The following PDS5B variants were observed in gnomAD, a reference collection of about 807,000 sequenced individuals.
PDS5B encodes sister chromatid cohesion protein PDS5 homolog B.
PDS5B carries 51 observed loss-of-function variants against 184.1 expected under a neutral mutation model. The ratio of observed to expected loss-of-function variants is 0.28; its 90% CI spans 0.22 to 0.35. PDS5B has a LOEUF of 0.35. PDS5B is among the 10% of genes least tolerant of loss of function. PDS5B has a pLI of 1.00. For missense variants in PDS5B, 1,180 were observed against 1,723.3 expected (o/e 0.68, Z 5.58); for synonymous variants, 566 against 569.2 (o/e 0.99, Z 0.08).
intron 3 of PDS5B, among the ~76,000 whole-genome samples, chr13:32,653,374 T>G (rs912074019): frequency 6.6e-6 from 1 of 152,060 alleles, no homozygotes; most frequent in Admixed American, 6.5e-5. Flanking sequence ...TGTGAAAAAA[T>G]GGCAGGCAAT....
chr13:32,659,452 T>C, intron 6 of PDS5B, among the ~76,000 whole-genome samples, 172 bp downstream of exon 6: 1 of 152,348 alleles, frequency 6.6e-6, no homozygotes, highest in South Asian at 2.1e-4. Flanking sequence ...AAGATACACT[T>C]AATAACTAAT....
At chr13:32,755,118 A>G (rs957322908) in intron 25 of PDS5B, among the ~76,000 whole-genome samples, 3 of 152,188 alleles carry the variant, frequency 2.0e-5, no homozygotes, top group Non-Finnish European at 4.4e-5. Context: ...ACACATATAC[A>G]TGAGGTTAAA....
chr13:32,641,385 T>C lies in PDS5B; in HGVS notation c.-19-7369T>C, dbSNP rs544764177. Among the ~76,000 whole-genome samples the C allele has an allele frequency of 6.6e-5, 10 of 152,278 alleles. No homozygotes were observed. The South Asian group carries it at 2.1e-3, about 32-fold the overall frequency. On this transcript the variant is annotated intron_variant, in intron 1 of 34. Coordinates refer to ENST00000315596, the MANE Select transcript of PDS5B (RefSeq NM_015032.4). The stretch of plus-strand genomic sequence containing the variant: ...CTTTTTCTTATCTCGTAATTTGGTA[T>C]TCATTCCCATCATTTTCTGGACACT...
intron 1 of PDS5B, among the ~76,000 whole-genome samples, chr13:32,607,781 T>G (rs533106988): frequency 5.9e-4 from 90 of 152,204 alleles, no homozygotes; most frequent in Non-Finnish European, 1.0e-3. Context: ...TCCCCCAGCC[T>G]CACTGCTGCC....
rs190982323 is a variant in PDS5B, at chr13:32,656,039, C to T, written c.313-2200C>T. Reference sequence around the variant, plus strand: ...GAAAGGGTCCAGTTTCAGTCTTCTGCATATGACTAGCTAGTTATCCCAGCA... The same window carrying T: ...GAAAGGGTCCAGTTTCAGTCTTCTGTATATGACTAGCTAGTTATCCCAGCA... On this transcript the variant is annotated intron_variant, in intron 3 of 34. Transcript: ENST00000315596. Among the ~76,000 whole-genome samples, 272 of 152,228 alleles carry T rather than the reference C, an allele frequency of 1.8e-3. 1 individual carries two copies. The highest frequency in any genetic ancestry group is 6.2e-3 in the African/African-American group (259 of 41,554).
intron 1 of PDS5B, among the ~76,000 whole-genome samples, chr13:32,600,317 T>C (rs951206528): frequency 2.0e-5 from 3 of 152,252 alleles, no homozygotes; most frequent in South Asian, 2.1e-4. Flanking sequence ...ATTTTTGTTG[T>C]AGAGTGGATA....
chr13:32,647,578 G>A (rs1950259184), intron 1 of PDS5B, among the ~76,000 whole-genome samples: 1 of 152,100 alleles, frequency 6.6e-6, no homozygotes, highest in Non-Finnish European at 1.5e-5. Context: ...ATCCCACCTG[G>A]CCTTTAATGG....
chr13:32,720,923 T>G (rs1210399258), intron 19 of PDS5B, among the ~76,000 whole-genome samples: 7 of 152,008 alleles, frequency 4.6e-5, no homozygotes, highest in East Asian at 1.9e-4. Flanking sequence ...AACCCTGAGT[T>G]GACACAGCAC....
At chr13:32,599,803 T>C (rs1296273657) in intron 1 of PDS5B, among the ~76,000 whole-genome samples, 4 of 151,850 alleles carry the variant, frequency 2.6e-5, no homozygotes, top group Non-Finnish European at 5.9e-5. Flanking sequence ...TAGTTCCAGC[T>C]ACTTGGGAAG....
intron 17 of PDS5B, among the ~76,000 whole-genome samples, chr13:32,706,588 C>G (rs1177728613): frequency 6.6e-6 from 1 of 152,066 alleles, no homozygotes; most frequent in Non-Finnish European, 1.5e-5. Flanking sequence ...GTTCTACTTA[C>G]TGGACTAGTG....
Position 32,632,298 on chromosome 13 carries a change from A to T in PDS5B, c.-19-16456A>T, listed in dbSNP as rs954994885. 1.2e-4 allele frequency among the ~76,000 whole-genome samples: 19 copies of T among 152,362 alleles called. 1 individual carries two copies. Among genetic ancestry groups the T allele is most frequent in the East Asian group, 9.6e-4 (5 of 5,186 alleles). On this transcript the variant is annotated intron_variant, in intron 1 of 34. Coordinates refer to ENST00000315596, the MANE Select transcript of PDS5B (RefSeq NM_015032.4). The stretch of plus-strand genomic sequence containing the variant: ...TTAACAAGGATTTAATGTCCAGAAT[A>T]TATAAAGAACTACAGGTCAATGACA...
At chr13:32,774,694 A>G (rs1954899726) in intron 34 of PDS5B, among the ~76,000 whole-genome samples, 1 of 152,230 alleles carries the variant, frequency 6.6e-6, no homozygotes, top group South Asian at 2.1e-4. Context: ...ACATAAGTAG[A>G]AAGATGATTA....
intron 1 of PDS5B, among the ~76,000 whole-genome samples, chr13:32,646,802 C>G (rs879821231): frequency 1.3e-4 from 19 of 151,964 alleles, no homozygotes; most frequent in Admixed American, 4.6e-4. Context: ...AATACTTACA[C>G]CTCTTAGTTT....
intron 19 of PDS5B, among the ~76,000 whole-genome samples, chr13:32,712,463 G>C (rs1347101755): frequency 2.0e-5 from 3 of 152,156 alleles, no homozygotes; most frequent in Non-Finnish European, 4.4e-5. Flanking sequence ...AATTGGGTGA[G>C]TTGATTTTGA....
chr13:32,669,999 C>T (rs920378169), intron 7 of PDS5B, among the ~76,000 whole-genome samples: 1 of 152,096 alleles, frequency 6.6e-6, no homozygotes, highest in African/African-American at 2.4e-5. Context: ...TTTGGACTTA[C>T]AGTTAAAACA....
intron 1 of PDS5B, among the ~76,000 whole-genome samples, chr13:32,607,164 T>C (rs1196954625): frequency 6.6e-6 from 1 of 152,256 alleles, no homozygotes; most frequent in African/African-American, 2.4e-5. Context: ...TCAGCTTTTC[T>C]GCTCTGGTTT....
intron 7 of PDS5B, among the ~76,000 whole-genome samples, 184 bp from the exon 8 acceptor site, chr13:32,673,032 A>T (rs1950977429): frequency 6.6e-6 from 1 of 152,214 alleles, no homozygotes; most frequent in Non-Finnish European, 1.5e-5. Flanking sequence ...TGTATACAAG[A>T]TGGATTCCAT....
Position 32,747,085 on chromosome 13 carries a change from C to T in PDS5B, c.2736+985C>T, listed in dbSNP as rs553457555. Among the ~76,000 whole-genome samples the T allele has an allele frequency of 7.9e-5, 12 of 152,248 alleles. No homozygotes were observed. The South Asian group carries it at 2.3e-3, about 29-fold the overall frequency. The stretch of plus-strand genomic sequence containing the variant: ...AGTTTTCAGATTATAAGCAGTGAAA[C>T]TTTCAGATTCCTATTACAGTTTTAT... On this transcript the variant is annotated intron_variant, in intron 24 of 34. Coordinates refer to ENST00000315596, the MANE Select transcript of PDS5B (RefSeq NM_015032.4).
intron 19 of PDS5B, among the ~76,000 whole-genome samples, chr13:32,723,962 A>C (rs1169813870): frequency 6.6e-6 from 1 of 152,244 alleles, no homozygotes; most frequent in Non-Finnish European, 1.5e-5. Flanking sequence ...ATAAACTTAC[A>C]GCCAGCTTTA....
Sources: allele counts gnomAD v4.1 joint callset (sites outside exome capture counted in the v4.1 genomes callset), GRCh38; gene constraint gnomAD v4.1.1; transcripts MANE v1.5; gene names NCBI Gene and HGNC (gene_info 2026-07-23, HGNC 2026-07-21).